Variants in KAT6A observed in about 807,000 individuals in gnomAD.
The protein encoded by KAT6A is histone acetyltransferase KAT6A.
KAT6A carries 9 observed loss-of-function variants against 198.4 expected under a neutral mutation model. The ratio of observed to expected loss-of-function variants is 0.05; its 90% CI spans 0.03 to 0.08. The LOEUF (loss-of-function observed/expected upper bound fraction) is 0.08, where lower values mean the gene tolerates loss of function less well. Among genes scored for constraint, KAT6A ranks in the 10% least tolerant of loss-of-function variants. The pLI, the probability that KAT6A is intolerant of heterozygous loss-of-function variation, is 1.00. For missense variants in KAT6A, 2,077 were observed against 2,509.9 expected (o/e 0.83, Z 3.69); for synonymous variants, 890 against 883.0 (o/e 1.01, Z -0.14).
intron 8 of KAT6A, among the ~76,000 whole-genome samples, chr8:41,971,172 T>C (rs1395688438): frequency 6.7e-6 from 1 of 148,594 alleles, no homozygotes; most frequent in African/African-American, 2.5e-5. Flanking sequence ...TGTATACATA[T>C]ACGTAACAAA....
At chr8:41,979,068 G>C (rs1271170068) in intron 5 of KAT6A, among the ~76,000 whole-genome samples, 1 of 152,158 alleles carries the variant, frequency 6.6e-6, no homozygotes, top group Non-Finnish European at 1.5e-5. Context: ...AGGAGTTTAA[G>C]ACCAGCCTGG....
chr8:41,929,805 A>C lies in KAT6A; in HGVS notation c.*2400T>G, dbSNP rs529944897. 488 of 195,912 alleles carry C rather than the reference A, an allele frequency of 2.5e-3. 1 individual carries two copies. The highest frequency in any genetic ancestry group is 0.01 in the African/African-American group (454 of 43,324). The allele number at this position is 195,912 out of a possible 1,614,324, so 12.1% of individuals were successfully genotyped here. ...ACACACGCTAGAGATCTCTTTAAAG[A>C]GAATTTATCTTTCTTAAAATAGTTT... On this transcript the variant is annotated 3_prime_UTR_variant, in exon 17 of 17. Transcript: ENST00000265713.
chr8:42,010,905 C>T (rs1038193022), intron 2 of KAT6A, among the ~76,000 whole-genome samples: 1 of 152,122 alleles, frequency 6.6e-6, no homozygotes, highest in African/African-American at 2.4e-5. Flanking sequence ...GGATACGAGT[C>T]CTAAAACACC....
Position 41,978,681 on chromosome 8 carries a change from A to T in KAT6A, c.1004T>A (p.Ile335Lys), listed in dbSNP as rs1019104290. 2 of 1,613,940 alleles carry T rather than the reference A, an allele frequency of 1.2e-6. No homozygotes were observed. Among genetic ancestry groups the T allele is most frequent in the Non-Finnish European group, 1.7e-6 (2 of 1,179,946 alleles). Reference protein sequence around the residue: ...AQIKRRYTNPIGRPKNRLKKQ... With the variant: ...AQIKRRYTNPKGRPKNRLKKQ... Reference sequence around the variant, plus strand: ...CTTTAACCTGTTTTTTGGACGTCCTATTGGATTAGTATAGCGCCGTTTTAT... The same window carrying T: ...CTTTAACCTGTTTTTTGGACGTCCTTTTGGATTAGTATAGCGCCGTTTTAT... Residue 335 changes from isoleucine to lysine, a missense_variant, in exon 6 of 17, where the codon ATA becomes AAA. By Grantham distance (102) the Ile-to-Lys change is moderately radical. Transcript: ENST00000265713.
At chr8:41,965,107 T>C (rs539900182) in intron 8 of KAT6A, among the ~76,000 whole-genome samples, 2 of 152,192 alleles carry the variant, frequency 1.3e-5, no homozygotes, top group Admixed American at 1.3e-4. Flanking sequence ...CATAAAGGTG[T>C]TGTAAGACAG....
chr8:42,006,196 T>C (rs758965942), intron 2 of KAT6A, among the ~76,000 whole-genome samples: 5 of 152,248 alleles, frequency 3.3e-5, no homozygotes, highest in Non-Finnish European at 5.9e-5. Context: ...TAGCCTTGTC[T>C]GCACCTAGGA....
chr8:41,968,108 G>T (rs1180508573), intron 8 of KAT6A, among the ~76,000 whole-genome samples: 1 of 152,094 alleles, frequency 6.6e-6, no homozygotes, highest in Non-Finnish European at 1.5e-5. Flanking sequence ...GGCAACAAAA[G>T]CCAAAATTGA....
At chr8:41,988,305 AAAG>A (rs1282420238) in intron 2 of KAT6A, among the ~76,000 whole-genome samples, 1 of 152,242 alleles carries the variant, frequency 6.6e-6, no homozygotes, top group African/African-American at 2.4e-5. Context: ...AAAATAAAAG[AAAG>A]AAGCTAGATA....
At position 41,962,910 on chromosome 8, in the gene KAT6A, G is replaced by T. The variant is rs539246769; in HGVS notation, c.1483-7499C>A. ...CCTATGCCTGGAATGCTATTCCCCC[G>T]TTACCTACATGTTTCATCCCCTCAC... On this transcript the variant is annotated intron_variant, in intron 8 of 16. Transcript: ENST00000265713. Among the ~76,000 whole-genome samples the T allele has an allele frequency of 2.4e-4, 37 of 152,116 alleles. 1 individual carries two copies. In the South Asian group the frequency reaches 7.7e-3, roughly 32 times the overall value.
intron 2 of KAT6A, among the ~76,000 whole-genome samples, chr8:42,025,157 T>C (rs1355267623): frequency 6.6e-6 from 1 of 152,126 alleles, no homozygotes; most frequent in African/African-American, 2.4e-5. Context: ...AATGGTATCT[T>C]ATTATAGTTT....
intron 2 of KAT6A, among the ~76,000 whole-genome samples, chr8:42,029,021 G>A (rs1826978551): frequency 6.6e-6 from 1 of 151,884 alleles, no homozygotes. Context: ...TTCTTATCTG[G>A]GAAAGAATTT....
At chr8:41,989,735 G>A (rs1459569552) in intron 2 of KAT6A, among the ~76,000 whole-genome samples, 1 of 152,186 alleles carries the variant, frequency 6.6e-6, no homozygotes, top group African/African-American at 2.4e-5. Context: ...CAGAATTGAT[G>A]AGTTTTCTCA....
chr8:41,952,751 T>C (rs573954842), intron 9 of KAT6A, among the ~76,000 whole-genome samples: 112 of 152,296 alleles, frequency 7.4e-4, no homozygotes, highest in African/African-American at 2.6e-3. Flanking sequence ...GAATAGAGGT[T>C]TATTATTTGG....
intron 2 of KAT6A, among the ~76,000 whole-genome samples, chr8:42,039,272 A>G (rs1358865881): frequency 3.3e-5 from 5 of 152,214 alleles, no homozygotes; most frequent in Non-Finnish European, 7.3e-5. Flanking sequence ...TAATTCCTAT[A>G]CATAAATCAG....
chr8:41,946,491 TATACACAC>T (rs1323708787), intron 12 of KAT6A, 92 bp downstream of exon 12: 6,397 of 463,642 alleles, frequency 0.014, 106 homozygotes, highest in Non-Finnish European at 0.017. Flanking sequence ...AATATATATA[TATACACAC>T]ACACACACAC....
chr8:41,986,218 C>T (rs1020014040), intron 3 of KAT6A, among the ~76,000 whole-genome samples: 1 of 152,176 alleles, frequency 6.6e-6, no homozygotes, highest in African/African-American at 2.4e-5. Context: ...GGATTACAGG[C>T]GTAAGCCACT....
At position 41,932,762 on chromosome 8, in the gene KAT6A, T is replaced by C. The variant is rs745780635; in HGVS notation, c.5458A>G (p.Thr1820Ala). ...MTPPPNLAST[T>A]MNLTSPLLQC... ...AGCAGAGGAGATGTGAGGTTCATGG[T>C]AGTGGATGCCAAGTTTGGGGGTGGC... Residue 1820 changes from threonine to alanine, a missense_variant, in exon 17 of 17, where the codon ACC becomes GCC. Physicochemically the swap from Thr to Ala is moderately conservative, Grantham distance 58. Around this residue, in one of 13 missense-constraint regions of KAT6A, gnomAD observed 500 missense variants for 577.2 expected, o/e 0.87. Coordinates refer to ENST00000265713, the MANE Select transcript of KAT6A (RefSeq NM_006766.5). 3.7e-6 allele frequency: 6 copies of C among 1,614,176 alleles called. No homozygotes were observed. The highest frequency in any genetic ancestry group is 1.3e-5 in the African/African-American group (1 of 75,050).
At chr8:42,016,853 A>AT (rs1264998044) in intron 2 of KAT6A, among the ~76,000 whole-genome samples, 2 of 152,094 alleles carry the variant, frequency 1.3e-5, no homozygotes, top group African/African-American at 4.8e-5. Flanking sequence ...TTCAAAATAT[A>AT]TTTTATATAT....
chr8:41,953,735 A>G (rs1431942300), intron 9 of KAT6A, among the ~76,000 whole-genome samples: 1 of 152,010 alleles, frequency 6.6e-6, no homozygotes, highest in Non-Finnish European at 1.5e-5. Context: ...CGGCCTCCCA[A>G]AGTGCTGGGA....
Sources: allele counts gnomAD v4.1 joint callset (sites outside exome capture counted in the v4.1 genomes callset), GRCh38; gene constraint gnomAD v4.1.1; regional missense constraint gnomAD v4.1.1; transcripts MANE v1.5; gene names NCBI Gene and HGNC (gene_info 2026-07-23, HGNC 2026-07-21).